The following SERPINB12 variants were observed in gnomAD, a reference collection of about 807,000 sequenced individuals.
The protein encoded by SERPINB12 is serpin B12.
SERPINB12 carries 57 observed loss-of-function variants against 41.1 expected under a neutral mutation model. That is an observed-to-expected ratio of 1.39 (90% CI 1.12 to 1.73). The LOEUF (loss-of-function observed/expected upper bound fraction) is 1.73. SERPINB12 is among the 40% of genes most tolerant of loss of function. The pLI is 0.00. For synonymous variants in SERPINB12, 180 were observed against 181.3 expected (o/e 0.99, Z 0.06); for missense variants, 536 against 501.9 (o/e 1.07, Z -0.65).
intron 1 of SERPINB12, 37 bp from the exon 2 acceptor site, chr18:63,556,104 AT>A (rs1910662897): frequency 6.9e-7 from 1 of 1,450,886 alleles, no homozygotes; most frequent in Non-Finnish European, 9.5e-7. Flanking sequence ...TTTTCTTCCA[AT>A]CACCATTTTC....
At chr18:63,530,242 G>A in the SERPINB12 span, among the ~76,000 whole-genome samples, 7 of 152,294 alleles carry the variant, frequency 4.6e-5, no homozygotes, top group East Asian at 7.7e-4. Context: ...CAAGGATAGT[G>A]TTTTGAGGAT....
intron 1 of SERPINB12, among the ~76,000 whole-genome samples, chr18:63,547,707 G>A (rs1033510519): frequency 1.3e-5 from 2 of 151,974 alleles, no homozygotes; most frequent in African/African-American, 4.8e-5. Flanking sequence ...TGTAATAAAT[G>A]AACTTTTTCT....
rs575077078 is a variant in SERPINB12, at chr18:63,558,494, G to A, written c.303+8G>A. ...GAGCCTCTGGATCAGCAGGTGAACC[G>A]CCACCGTAGAAAACTCTTGCCTTTC... On this transcript the variant is annotated splice_region_variant and intron_variant, in intron 3 of 7. Coordinates refer to ENST00000382768, the MANE Select transcript of SERPINB12 (RefSeq NM_001307928.2). 83 of 1,603,676 alleles carry A rather than the reference G, an allele frequency of 5.2e-5. No individual in the cohort carries two copies. In the South Asian group the frequency reaches 6.6e-4, roughly 13 times the overall value.
intron 1 of SERPINB12, among the ~76,000 whole-genome samples, chr18:63,550,925 G>T (rs1352600553): frequency 1.3e-5 from 2 of 152,124 alleles, no homozygotes; most frequent in Admixed American, 6.6e-5. Flanking sequence ...CTCTAAAACT[G>T]CAGATTAGTT....
At chr18:63,564,961 G>A (rs1317853375) in intron 6 of SERPINB12, among the ~76,000 whole-genome samples, 1 of 152,178 alleles carries the variant, frequency 6.6e-6, no homozygotes, top group Non-Finnish European at 1.5e-5. Context: ...TGAGGAGGGA[G>A]GATCAGTTGA....
intron 1 of SERPINB12, among the ~76,000 whole-genome samples, chr18:63,544,961 T>G (rs1038142657): frequency 6.6e-6 from 1 of 152,214 alleles, no homozygotes; most frequent in African/African-American, 2.4e-5. Context: ...TTTGTAATAT[T>G]TCAAAAATAC....
At chr18:63,543,723 A>G (rs1261339774) in intron 1 of SERPINB12, among the ~76,000 whole-genome samples, 1 of 151,866 alleles carries the variant, frequency 6.6e-6, no homozygotes, top group Non-Finnish European at 1.5e-5. Context: ...CAGCCTCCTG[A>G]GGCAGGGATT....
At chr18:63,523,600 A>AC in the SERPINB12 span, among the ~76,000 whole-genome samples, 1 of 152,196 alleles carries the variant, frequency 6.6e-6, no homozygotes, top group Non-Finnish European at 1.5e-5. Flanking sequence ...CTTTTAGAAA[A>AC]AGTAAAGACA....
intron 1 of SERPINB12, among the ~76,000 whole-genome samples, chr18:63,549,239 G>A (rs998412596): frequency 9.2e-5 from 14 of 152,038 alleles, no homozygotes; most frequent in Non-Finnish European, 1.9e-4. Flanking sequence ...AAATAAAGGC[G>A]ATTTATTTTT....
At chr18:63,559,848 T>A in intron 4 of SERPINB12, 130 bp downstream of exon 4, 1 of 911,118 alleles carries the variant, frequency 1.1e-6, no homozygotes, top group Non-Finnish European at 1.7e-6. Flanking sequence ...TGTGGACTGG[T>A]GAGGTGTCCA....
intron 1 of SERPINB12, among the ~76,000 whole-genome samples, chr18:63,551,293 A>T (rs182874464): frequency 6.6e-6 from 1 of 152,184 alleles, no homozygotes; most frequent in East Asian, 1.9e-4. Context: ...AGAAACAAAA[A>T]AAACAAAAAA....
At chr18:63,545,112 G>A (rs960988404) in intron 1 of SERPINB12, among the ~76,000 whole-genome samples, 2 of 152,102 alleles carry the variant, frequency 1.3e-5, no homozygotes, top group African/African-American at 4.8e-5. Flanking sequence ...TTTATTGATT[G>A]GCTCATAATT....
In SERPINB12 at chr18:63,556,203, T is replaced by C; in HGVS notation, c.44T>C (p.Leu15Pro). 6.2e-7 allele frequency: 1 copy of C among 1,614,064 alleles called. No individual in the cohort carries two copies. Among genetic ancestry groups the C allele is most frequent in the Non-Finnish European group, 8.5e-7 (1 of 1,179,920 alleles). ...GCAAACACCAAATTTTGCTTTGATC[T>C]TTTTCAAGAGATAGGCAAAGATGAT... ...VTANTKFCFD[L>P]FQEIGKDDRH... is the part of the protein sequence containing the mutation. The change falls in exon 2 of 8, where the codon CTT (leucine) becomes CCT (proline). Residue 15 changes from leucine to proline, a missense_variant. Coordinates refer to ENST00000382768, the MANE Select transcript of SERPINB12 (RefSeq NM_001307928.2).
intron 1 of SERPINB12, among the ~76,000 whole-genome samples, chr18:63,544,205 G>T (rs970304598): frequency 6.6e-6 from 1 of 152,110 alleles, no homozygotes; most frequent in Non-Finnish European, 1.5e-5. Context: ...GATGTGTTTC[G>T]TTCCAATAAA....
chr18:63,519,373 A>C, the SERPINB12 span, among the ~76,000 whole-genome samples: 115 of 152,248 alleles, frequency 7.6e-4, 2 homozygotes, highest in East Asian at 0.022. Flanking sequence ...CTGTGGATCT[A>C]CTCTGTACCA....
intron 3 of SERPINB12, among the ~76,000 whole-genome samples, chr18:63,559,018 C>CTTTCTTTG (rs1334352722): frequency 6.4e-5 from 4 of 62,502 alleles, no homozygotes; most frequent in Non-Finnish European, 1.2e-4. Flanking sequence ...TTCTTTCTTT[C>CTTTCTTTG]TTTCTTTCTT....
the SERPINB12 span, among the ~76,000 whole-genome samples, chr18:63,531,899 C>A: frequency 0.012 from 1,895 of 152,238 alleles, 52 homozygotes; most frequent in African/African-American, 0.042. Flanking sequence ...ATGACTTGAG[C>A]CCCTCTAGCC....
At chr18:63,521,975 T>C in the SERPINB12 span, among the ~76,000 whole-genome samples, 1 of 152,178 alleles carries the variant, frequency 6.6e-6, no homozygotes, top group African/African-American at 2.4e-5. Context: ...TCAAAAGCAA[T>C]AGGTAGGACT....
At chr18:63,546,619 G>T (rs1910393854) in intron 1 of SERPINB12, among the ~76,000 whole-genome samples, 1 of 152,154 alleles carries the variant, frequency 6.6e-6, no homozygotes, top group South Asian at 2.1e-4. Context: ...ATACATTTCT[G>T]CTTCATGGTC....
Sources: allele counts gnomAD v4.1 joint callset (sites outside exome capture counted in the v4.1 genomes callset), GRCh38; gene constraint gnomAD v4.1.1; transcripts MANE v1.5; gene names NCBI Gene and HGNC (gene_info 2026-07-23, HGNC 2026-07-21).